The following FNBP4 variants were observed in gnomAD, a reference collection of about 807,000 sequenced individuals.
The protein encoded by FNBP4 is formin-binding protein 4.
FNBP4 carries 34 observed loss-of-function variants against 119.3 expected under a neutral mutation model. That is an observed-to-expected ratio of 0.28 (90% CI 0.22 to 0.38). The LOEUF (loss-of-function observed/expected upper bound fraction) is 0.38, where lower values mean the gene tolerates loss of function less well. FNBP4 is among the 10% of genes least tolerant of loss of function. The probability of loss-of-function intolerance (pLI) is 1.00; values close to 1 mark genes in which losing one functional copy is unlikely to be tolerated. For missense variants in FNBP4, 1,112 were observed against 1,228.9 expected (o/e 0.90, Z 1.42); for synonymous variants, 462 against 430.6 (o/e 1.07, Z -0.90).
intron 3 of FNBP4, 110 bp downstream of exon 3, chr11:47,754,418 G>C: frequency 9.9e-7 from 1 of 1,014,262 alleles, no homozygotes; most frequent in South Asian, 1.6e-5. Flanking sequence ...GTTGGAGGGA[G>C]AGGGAGAAAG....
chr11:47,758,576 C>T (rs1380836901), intron 2 of FNBP4, among the ~76,000 whole-genome samples: 5 of 151,928 alleles, frequency 3.3e-5, no homozygotes, highest in South Asian at 2.1e-4. Flanking sequence ...TTTACATGGA[C>T]GTTTGTGGAC....
At chr11:47,759,211 G>A (rs546016597) in intron 2 of FNBP4, among the ~76,000 whole-genome samples, 383 of 26,682 alleles carry the variant, frequency 0.014, 2 homozygotes, top group Non-Finnish European at 0.025. Context: ...TGAGACCTGC[G>A]CCTGGCTTTT....
intron 2 of FNBP4, 81 bp from the exon 3 acceptor site, chr11:47,754,745 GT>G (rs1261465059): frequency 1.6e-5 from 24 of 1,480,880 alleles, no homozygotes; most frequent in Middle Eastern, 1.8e-4. Flanking sequence ...AGTATAACAT[GT>G]TTTTTTTAAA....
intron 14 of FNBP4, among the ~76,000 whole-genome samples, chr11:47,723,564 G>A (rs2097558034): frequency 6.6e-6 from 1 of 152,094 alleles, no homozygotes; most frequent in African/African-American, 2.4e-5. Context: ...TGTGCTGAAC[G>A]TTTTTTGTGT....
chr11:47,723,356 T>C (rs2097557855), intron 14 of FNBP4, 40 bp from the exon 15 acceptor site: 1 of 1,553,444 alleles, frequency 6.4e-7, no homozygotes, highest in Non-Finnish European at 8.7e-7. Context: ...AAAAAGGACA[T>C]CATGACAAGA....
chr11:47,758,904 TTAGA>T (rs1465261170), intron 2 of FNBP4, among the ~76,000 whole-genome samples: 1 of 150,900 alleles, frequency 6.6e-6, no homozygotes, highest in Non-Finnish European at 1.5e-5. Context: ...AGGACGTTTC[TTAGA>T]TAGTGTCTCT....
In FNBP4 at chr11:47,734,260, G is replaced by C. The variant is rs148457657; in HGVS notation, c.1582-131C>G. 2.4e-3 allele frequency: 1,140 copies of C among 473,342 alleles called. 1 individual carries two copies. The highest frequency in any genetic ancestry group is 7.7e-3 in the Middle Eastern group (14 of 1,812). 29.3% of individuals were successfully genotyped at this position (473,342 alleles called of 1,614,324 possible). On this transcript the variant is annotated intron_variant, in intron 9 of 16. Coordinates refer to ENST00000263773, the MANE Select transcript of FNBP4 (RefSeq NM_015308.5). The stretch of plus-strand genomic sequence containing the variant: ...TATAAACAGCCTTCCCCAAACAGCT[G>C]TATTTAGTTATCCAGAATATAAAAT...
intron 6 of FNBP4, among the ~76,000 whole-genome samples, chr11:47,746,964 C>A (rs938172317): frequency 2.0e-5 from 3 of 152,132 alleles, no homozygotes; most frequent in Non-Finnish European, 4.4e-5. Context: ...TAGTAGTAAA[C>A]AGAGATAGAT....
At chr11:47,723,594 T>A (rs1447635306) in intron 14 of FNBP4, among the ~76,000 whole-genome samples, 1 of 152,192 alleles carries the variant, frequency 6.6e-6, no homozygotes, top group Non-Finnish European at 1.5e-5. Context: ...AGAGTTTTGC[T>A]CTGTCGCCCA....
At chr11:47,735,108 G>A (rs1268099891) in intron 9 of FNBP4, among the ~76,000 whole-genome samples, 1 of 151,712 alleles carries the variant, frequency 6.6e-6, no homozygotes, top group Non-Finnish European at 1.5e-5. Flanking sequence ...ACTCTCCAAG[G>A]TAACGTGATA....
At chr11:47,733,877 AT>A in intron 10 of FNBP4, 147 bp downstream of exon 10, 2 of 504,990 alleles carry the variant, frequency 4.0e-6, no homozygotes, top group Non-Finnish European at 6.9e-6. Flanking sequence ...ACACAGTTTT[AT>A]TTCCTGGATT....
intron 14 of FNBP4, 76 bp from the exon 15 acceptor site, chr11:47,723,392 G>A: frequency 6.6e-7 from 1 of 1,506,028 alleles, no homozygotes; most frequent in Non-Finnish European, 8.9e-7. Flanking sequence ...AGAGAAGTGG[G>A]GATTAGATCA....
At chr11:47,748,957 A>C (rs2097596349) in intron 6 of FNBP4, among the ~76,000 whole-genome samples, 1 of 152,038 alleles carries the variant, frequency 6.6e-6, no homozygotes. Flanking sequence ...CAATTATATT[A>C]TTTTAAAGTA....
intron 9 of FNBP4, among the ~76,000 whole-genome samples, chr11:47,736,127 G>A (rs1023905820): frequency 1.3e-5 from 2 of 151,662 alleles, no homozygotes; most frequent in African/African-American, 4.8e-5. Flanking sequence ...TGTAATCTCA[G>A]CTACTTGGGA....
In FNBP4 at chr11:47,734,005, A is replaced by C; in HGVS notation, c.1686+20T>G. ...AAACACTTAACTGTTTATGCCAAAA[A>C]AAAAAAAAAAAAGACTTACCTCAGT... On this transcript the variant is annotated intron_variant, in intron 10 of 16. Coordinates refer to ENST00000263773, the MANE Select transcript of FNBP4 (RefSeq NM_015308.5). 2 of 1,259,254 alleles carry C rather than the reference A, an allele frequency of 1.6e-6. No individual in the cohort carries two copies. Among genetic ancestry groups the C allele is most frequent in the Admixed American group, 2.9e-5 (1 of 34,238 alleles). The allele number at this position is 1,259,254 out of a possible 1,614,324, so 78.0% of individuals were successfully genotyped here.
Position 47,765,348 on chromosome 11 carries a change from C to A in FNBP4, c.235G>T (p.Val79Leu). The A allele has an allele frequency of 6.3e-7, 1 of 1,588,614 alleles. No homozygotes were observed. Among genetic ancestry groups the A allele is most frequent in the Non-Finnish European group, 8.6e-7 (1 of 1,167,402 alleles). Reference sequence around the variant, plus strand: ...TGAACAACTCTAGGAACCTCCTGCACCGCTTCCTGTTCATCTGGATTAAAA... The same window carrying A: ...TGAACAACTCTAGGAACCTCCTGCAACGCTTCCTGTTCATCTGGATTAAAA... ...DSPSEDEQEAVQEVPRVVQNP... is the reference protein window; with the variant it reads ...DSPSEDEQEALQEVPRVVQNP... Residue 79 changes from valine (V) to leucine (L), a missense_variant, in exon 2 of 17, where the codon GTG becomes TTG. Val to Leu is a conservative substitution (Grantham distance 32, BLOSUM62 1). This residue lies in a region of FNBP4 where 286 missense variants were observed against 240.1 expected (regional missense o/e 1.19). Coordinates refer to ENST00000263773, the MANE Select transcript of FNBP4 (RefSeq NM_015308.5).
At chr11:47,748,302 T>C (rs1480457545) in intron 6 of FNBP4, among the ~76,000 whole-genome samples, 2 of 151,570 alleles carry the variant, frequency 1.3e-5, no homozygotes, top group African/African-American at 2.4e-5. Context: ...AAATGAACTA[T>C]TCCTGAAATG....
At chr11:47,735,952 C>T (rs375588514) in intron 9 of FNBP4, among the ~76,000 whole-genome samples, 5 of 152,152 alleles carry the variant, frequency 3.3e-5, no homozygotes, top group African/African-American at 1.2e-4. Context: ...GTGGCGGGCA[C>T]CTGTAGTCCC....
chr11:47,765,968 G>T (rs181035855), intron 1 of FNBP4, among the ~76,000 whole-genome samples: 85 of 144,570 alleles, frequency 5.9e-4, no homozygotes, highest in African/African-American at 2.0e-3. Context: ...TTACAGGCAT[G>T]AGTCACCGTG....
Sources: allele counts gnomAD v4.1 joint callset (sites outside exome capture counted in the v4.1 genomes callset), GRCh38; gene constraint gnomAD v4.1.1; regional missense constraint gnomAD v4.1.1; transcripts MANE v1.5; gene names NCBI Gene and HGNC (gene_info 2026-07-23, HGNC 2026-07-21).